The following NT5M variants were observed in gnomAD, a reference collection of about 807,000 sequenced individuals.
NT5M encodes the protein 5'(3')-deoxyribonucleotidase, mitochondrial.
Under a neutral mutation model 22.2 loss-of-function variants are expected in NT5M, and 22 were observed. That is an observed-to-expected ratio of 0.99 (90% CI 0.71 to 1.41). The LOEUF is 1.41. Among genes scored for constraint, NT5M ranks in the 40% most tolerant of loss-of-function variants. The pLI, the probability that NT5M is intolerant of heterozygous loss-of-function variation, is 0.00. For missense variants in NT5M, 322 were observed against 314.8 expected (o/e 1.02, Z -0.17); for synonymous variants, 167 against 133.0 (o/e 1.26, Z -1.76).
chr17:17,327,665 G>A lies in NT5M; in HGVS notation c.429+4420G>A, dbSNP rs887258780. 8.5e-5 allele frequency among the ~76,000 whole-genome samples: 9 copies of A among 105,932 alleles called. 2 individuals are homozygous for A. The highest frequency in any genetic ancestry group is 2.3e-4 in the African/African-American group (7 of 30,716). The allele number at this position is 105,932 out of a possible 152,430, so 69.5% of individuals were successfully genotyped here. On this transcript the variant is annotated intron_variant, in intron 3 of 4. Coordinates refer to ENST00000389022, the MANE Select transcript of NT5M (RefSeq NM_020201.4). ...CCTAAGTAGCTGGGATTACAGGTGC[G>A]TGCCACCATGACCAGCTAATTTTTG...
chr17:17,312,534 C>T (rs1251199222), intron 2 of NT5M, among the ~76,000 whole-genome samples: 1 of 151,310 alleles, frequency 6.6e-6, no homozygotes, highest in African/African-American at 2.4e-5. Context: ...ATCCCAGCTA[C>T]TCGGGAGGCT....
intron 2 of NT5M, among the ~76,000 whole-genome samples, chr17:17,314,049 T>TTTTTTTTTC (rs1392530186): frequency 6.6e-6 from 1 of 151,870 alleles, no homozygotes; most frequent in African/African-American, 2.4e-5. Flanking sequence ...TCTTTTTTTT[T>TTTTTTTTTC]TTGAGATGGA....
intron 3 of NT5M, among the ~76,000 whole-genome samples, chr17:17,325,072 A>G (rs993556283): frequency 1.4e-4 from 21 of 151,988 alleles, no homozygotes; most frequent in African/African-American, 5.1e-4. Context: ...TGAATCAGAC[A>G]CTCTGGGAGT....
intron 1 of NT5M, among the ~76,000 whole-genome samples, chr17:17,306,315 C>T (rs2048799646): frequency 6.6e-6 from 1 of 152,198 alleles, no homozygotes; most frequent in South Asian, 2.1e-4. Context: ...GGGCCTGACA[C>T]CTTTGCTGGT....
At position 17,325,313 on chromosome 17, in the gene NT5M, C is replaced by G. The variant is rs1179036009; in HGVS notation, c.429+2068C>G. Among the ~76,000 whole-genome samples, 3 of 152,104 alleles carry G rather than the reference C, an allele frequency of 2.0e-5. No individual in the cohort carries two copies. In the South Asian group the frequency reaches 6.2e-4, roughly 32 times the overall value. On this transcript the variant is annotated intron_variant, in intron 3 of 4. Coordinates refer to ENST00000389022, the MANE Select transcript of NT5M (RefSeq NM_020201.4). ...TGCGTTGCCTCGGCCCGGGACTGCC[C>G]TCTGAGCTCCAGACACTCAGACCCG...
chr17:17,326,446 T>C (rs1337878277), intron 3 of NT5M, among the ~76,000 whole-genome samples: 1 of 152,122 alleles, frequency 6.6e-6, no homozygotes, highest in African/African-American at 2.4e-5. Context: ...CACAGTAACA[T>C]CAACAGGCTC....
At chr17:17,340,719 G>A (rs1005637720) in intron 3 of NT5M, among the ~76,000 whole-genome samples, 4 of 151,830 alleles carry the variant, frequency 2.6e-5, no homozygotes, top group African/African-American at 9.7e-5. Flanking sequence ...TAGAGATGGG[G>A]TTTCACCATG....
chr17:17,329,352 A>C (rs372904924), intron 3 of NT5M, among the ~76,000 whole-genome samples: 1 of 152,182 alleles, frequency 6.6e-6, no homozygotes, highest in Non-Finnish European at 1.5e-5. Flanking sequence ...GCTGAGGGTT[A>C]GCGGCCAGAA....
At chr17:17,332,620 C>T (rs925014123) in intron 3 of NT5M, among the ~76,000 whole-genome samples, 4 of 152,170 alleles carry the variant, frequency 2.6e-5, no homozygotes, top group African/African-American at 9.7e-5. Flanking sequence ...ATTTTCTCCC[C>T]AGAGCTTTCA....
intron 3 of NT5M, among the ~76,000 whole-genome samples, chr17:17,340,179 T>G (rs1262514285): frequency 6.6e-6 from 1 of 152,182 alleles, no homozygotes; most frequent in Non-Finnish European, 1.5e-5. Flanking sequence ...GGTCTGTTTG[T>G]TTTGAATTTC....
In NT5M at chr17:17,316,069, A is replaced by C. The variant is rs566446556; in HGVS notation, c.369-7116A>C. On this transcript the variant is annotated intron_variant, in intron 2 of 4. Transcript: ENST00000389022. ...CATGCCCGGCCTTTTTTTTTTTTTT[A>C]AATGAGACAGAATCTCACTCTGTCC... Among the ~76,000 whole-genome samples the C allele has an allele frequency of 3.4e-3, 400 of 119,260 alleles. 2 individuals are homozygous for C. The highest frequency in any genetic ancestry group is 0.012 in the African/African-American group (374 of 30,686). 78.2% of individuals were successfully genotyped at this position (119,260 alleles called of 152,430 possible).
intron 2 of NT5M, among the ~76,000 whole-genome samples, chr17:17,320,491 T>G (rs2049128609): frequency 6.6e-6 from 1 of 152,208 alleles, no homozygotes; most frequent in Admixed American, 6.5e-5. Flanking sequence ...GGTGTTTTGC[T>G]TGAGCAGAGC....
intron 1 of NT5M, among the ~76,000 whole-genome samples, chr17:17,306,272 T>C (rs2048798160): frequency 6.6e-6 from 1 of 152,134 alleles, no homozygotes; most frequent in Admixed American, 6.6e-5. Context: ...TGGCCTCAGG[T>C]CCCAGAGAGC....
chr17:17,314,687 C>T (rs962594762), intron 2 of NT5M, among the ~76,000 whole-genome samples: 4 of 152,214 alleles, frequency 2.6e-5, no homozygotes, highest in African/African-American at 9.7e-5. Flanking sequence ...CAACCTCTGT[C>T]TTCCTCTGCT....
chr17:17,342,374 C>A (rs1456591466), intron 3 of NT5M, among the ~76,000 whole-genome samples: 1 of 152,124 alleles, frequency 6.6e-6, no homozygotes, highest in Non-Finnish European at 1.5e-5. Flanking sequence ...CCACGCAAAC[C>A]CTTTCTGCAG....
chr17:17,314,996 C>T (rs1597754536), intron 2 of NT5M, among the ~76,000 whole-genome samples: 1 of 152,184 alleles, frequency 6.6e-6, no homozygotes. Context: ...TGAGTGTCAG[C>T]TCCCTGAGGT....
At chr17:17,345,013 C>T in intron 4 of NT5M, 105 bp downstream of exon 4, 1 of 1,504,134 alleles carries the variant, frequency 6.6e-7, no homozygotes, top group Non-Finnish European at 9.0e-7. Context: ...ACTTAGTCAC[C>T]AGCTGTTTGC....
intron 2 of NT5M, among the ~76,000 whole-genome samples, chr17:17,315,608 G>C (rs1453154661): frequency 6.6e-6 from 1 of 152,092 alleles, no homozygotes; most frequent in African/African-American, 2.4e-5. Flanking sequence ...CAATGCCTGA[G>C]CCGGGCCAGG....
intron 3 of NT5M, among the ~76,000 whole-genome samples, chr17:17,341,090 A>G: frequency 6.6e-6 from 1 of 152,018 alleles, no homozygotes; most frequent in East Asian, 1.9e-4. Flanking sequence ...ATTCAGGAGC[A>G]TGTTGTTTAA....
Sources: gnomAD v4.1 joint callset for allele counts (sites outside exome capture counted in the v4.1 genomes callset) on GRCh38, gnomAD v4.1.1 for gene constraint, MANE v1.5 for transcripts, NCBI Gene and HGNC (gene_info 2026-07-23, HGNC 2026-07-21) for gene names.